POLA1: variants seen among roughly 807,000 people sequenced by gnomAD.
The protein encoded by POLA1 is DNA polymerase alpha catalytic subunit.
POLA1 carries 15 observed loss-of-function variants against 124.0 expected under a neutral mutation model. The observed-to-expected ratio is 0.12, with a 90% CI of 0.08 to 0.19. The LOEUF (loss-of-function observed/expected upper bound fraction) is 0.19. Ranked by LOEUF, POLA1 falls within the 10% of genes least tolerant of loss-of-function variation. The probability of loss-of-function intolerance (pLI) is 1.00; values close to 1 mark genes in which losing one functional copy is unlikely to be tolerated. For missense variants in POLA1, 886 were observed against 1,103.4 expected (o/e 0.80, Z 2.79); for synonymous variants, 408 against 389.4 (o/e 1.05, Z -0.56).
In POLA1 at chrX:24,781,577, T is replaced by G. The variant is rs370565353; in HGVS notation, c.2965-28321T>G. ...GTTAGGAAAAGGTGAAAAAGAGAAATGTCGGGTTAGCTCTTTTCAAAATAT... is the reference window on the plus strand; with the variant it reads ...GTTAGGAAAAGGTGAAAAAGAGAAAGGTCGGGTTAGCTCTTTTCAAAATAT... On this transcript the variant is annotated intron_variant, in intron 26 of 36. Coordinates refer to ENST00000379068, the MANE Select transcript of POLA1 (RefSeq NM_001330360.2). Among the ~76,000 whole-genome samples, 288 of 111,526 alleles carry G rather than the reference T, an allele frequency of 2.6e-3. 1 individual carries two copies. The highest frequency in any genetic ancestry group is 8.9e-3 in the African/African-American group (273 of 30,707).
intron 34 of POLA1, among the ~76,000 whole-genome samples, chrX:24,877,928 T>G (rs1192231993): frequency 9.9e-6 from 1 of 101,186 alleles, no homozygotes; most frequent in African/African-American, 3.6e-5. Flanking sequence ...TTTTTTTTTG[T>G]TTTTTTTTTA....
intron 34 of POLA1, among the ~76,000 whole-genome samples, chrX:24,855,078 G>T (rs977662760): frequency 1.8e-5 from 2 of 111,333 alleles, no homozygotes; most frequent in East Asian, 5.6e-4. Flanking sequence ...GAATGATTCA[G>T]TTATGTGATA....
At chrX:24,837,533 G>A (rs1375872310) in intron 32 of POLA1, among the ~76,000 whole-genome samples, 1 of 111,607 alleles carries the variant, frequency 9.0e-6, no homozygotes, top group Non-Finnish European at 1.9e-5. Context: ...TCCATTTTTG[G>A]CTATTATGAA....
intron 32 of POLA1, among the ~76,000 whole-genome samples, chrX:24,838,256 A>C (rs911968285): frequency 9.0e-6 from 1 of 111,667 alleles, no homozygotes; most frequent in Non-Finnish European, 1.9e-5. Context: ...AGATCCTAGA[A>C]ATTTTCTAAT....
intron 34 of POLA1, among the ~76,000 whole-genome samples, chrX:24,869,943 C>T (rs1271971260): frequency 8.9e-6 from 1 of 112,214 alleles, no homozygotes; most frequent in Non-Finnish European, 1.9e-5. Flanking sequence ...CCTTAGCATT[C>T]ATTTTAATTA....
At chrX:24,942,468 C>A (rs745840261) in intron 36 of POLA1, among the ~76,000 whole-genome samples, 22 of 111,560 alleles carry the variant, frequency 2.0e-4, no homozygotes, top group Non-Finnish European at 3.4e-4. Flanking sequence ...CTGAGTTGGG[C>A]CTTAAAGAGT....
At chrX:24,784,235 T>TAA (rs1270932062) in intron 26 of POLA1, among the ~76,000 whole-genome samples, 2 of 106,997 alleles carry the variant, frequency 1.9e-5, no homozygotes, top group Non-Finnish European at 3.8e-5. Context: ...GTATTTTTAG[T>TAA]AGAAACGGGA....
chrX:24,954,865 G>A (rs2048088736), intron 36 of POLA1, among the ~76,000 whole-genome samples: 1 of 111,719 alleles, frequency 9.0e-6, no homozygotes, highest in South Asian at 3.8e-4. Context: ...GCTGGCCCAG[G>A]TGAAGGTTAT....
chrX:24,906,782 A>G (rs1453197333), intron 35 of POLA1, among the ~76,000 whole-genome samples: 7 of 112,284 alleles, frequency 6.2e-5, no homozygotes, highest in African/African-American at 2.3e-4. Flanking sequence ...TCAAATGGAT[A>G]TATCAGAAGC....
intron 5 of POLA1, 24 bp from the exon 6 acceptor site, chrX:24,715,117 G>A: frequency 9.0e-7 from 1 of 1,108,611 alleles, no homozygotes; most frequent in Non-Finnish European, 1.2e-6. Context: ...GCTTTCTCAT[G>A]TTACCTTTCT....
rs11573310 is a variant in POLA1, at chrX:24,700,755, C to T, written c.168+1206C>T. On this transcript the variant is annotated intron_variant, in intron 2 of 36. Transcript: ENST00000379068. Reference sequence around the variant, plus strand: ...AACTCTTGACTTCAAATGGTCCACCCGCCTCGGCCTCCCAAAGTGCTGGGA... The same window carrying T: ...AACTCTTGACTTCAAATGGTCCACCTGCCTCGGCCTCCCAAAGTGCTGGGA... Among the ~76,000 whole-genome samples the T allele has an allele frequency of 7.9e-3, 880 of 111,617 alleles. 11 individuals are homozygous for T. Among genetic ancestry groups the T allele is most frequent in the African/African-American group, 0.027 (830 of 30,672 alleles).
At chrX:24,783,908 C>T (rs1249835420) in intron 26 of POLA1, among the ~76,000 whole-genome samples, 1 of 111,119 alleles carries the variant, frequency 9.0e-6, no homozygotes, top group Non-Finnish European at 1.9e-5. Context: ...TGGCTAGTGA[C>T]TACAGTGAGT....
chrX:24,878,481 TG>T (rs1299904055), intron 34 of POLA1, among the ~76,000 whole-genome samples: 1 of 111,375 alleles, frequency 9.0e-6, no homozygotes, highest in Non-Finnish European at 1.9e-5. Flanking sequence ...GTGTGCACAC[TG>T]AATAAAGGCA....
intron 35 of POLA1, among the ~76,000 whole-genome samples, chrX:24,895,432 G>A (rs888306280): frequency 4.4e-5 from 5 of 112,380 alleles, no homozygotes; most frequent in African/African-American, 1.6e-4. Flanking sequence ...ATGGAGAAAA[G>A]GCTGAAGGAT....
At position 24,888,105 on chromosome X, in the gene POLA1, G is replaced by A. The variant is rs967389495; in HGVS notation, c.4147G>A (p.Ala1383Thr). ...TGPLCPACMKATLQPEYSDKS... is the reference protein window; with the variant it reads ...TGPLCPACMKTTLQPEYSDKS... ...GCCTCTTTGCCCAGCCTGCATGAAA[G>A]CTACACTTCAACCAGAGGTAACAGT... Residue 1383 changes from alanine (A) to threonine (T), a missense_variant, in exon 35 of 37, where the codon GCT becomes ACT. Ala to Thr is a moderately conservative substitution (Grantham distance 58, BLOSUM62 0). This residue lies in a region of POLA1 where 313 missense variants were observed against 359.7 expected (regional missense o/e 0.87). Transcript: ENST00000379068. 8.6e-7 allele frequency: 1 copy of A among 1,165,811 alleles called. No individual in the cohort carries two copies. Among genetic ancestry groups the A allele is most frequent in the Admixed American group, 2.2e-5 (1 of 45,589 alleles).
chrX:24,991,133 A>T (rs970342357), intron 36 of POLA1, among the ~76,000 whole-genome samples: 6 of 109,558 alleles, frequency 5.5e-5, no homozygotes, highest in Admixed American at 4.9e-4. Flanking sequence ...AACTTTATTT[A>T]TACAACAGTG....
chrX:24,700,800 C>G (rs1407886545), intron 2 of POLA1, among the ~76,000 whole-genome samples: 1 of 111,987 alleles, frequency 8.9e-6, no homozygotes. Flanking sequence ...TGAACCACCA[C>G]ACTGAGCCCA....
chrX:24,825,049 G>A (rs1202452457), intron 31 of POLA1, among the ~76,000 whole-genome samples: 2 of 111,720 alleles, frequency 1.8e-5, no homozygotes, highest in Admixed American at 9.5e-5. Flanking sequence ...TTGGTAAAAG[G>A]CAGTCTAAAT....
At chrX:24,732,732 A>C (rs1362915864) in intron 16 of POLA1, among the ~76,000 whole-genome samples, 1 of 104,630 alleles carries the variant, frequency 9.6e-6, no homozygotes, top group African/African-American at 3.5e-5. Flanking sequence ...TGGTTGCTCT[A>C]CTGAGGTTGA....
Sources: gnomAD v4.1 joint callset for allele counts (sites outside exome capture counted in the v4.1 genomes callset) on GRCh38, gnomAD v4.1.1 for gene constraint, gnomAD v4.1.1 regional missense constraint, MANE v1.5 for transcripts, NCBI Gene and HGNC (gene_info 2026-07-23, HGNC 2026-07-21) for gene names.